The following SLC2A9 variants were observed in gnomAD, a reference collection of about 807,000 sequenced individuals.
SLC2A9 encodes the protein solute carrier family 2, facilitated glucose transporter member 9.
Under a neutral mutation model 50.6 loss-of-function variants are expected in SLC2A9, and 39 were observed. That is an observed-to-expected ratio of 0.77 (90% CI 0.60 to 1.01). The LOEUF is 1.01. Among genes scored for constraint, SLC2A9 ranks in the 50% least tolerant of loss-of-function variants. SLC2A9 has a pLI of 0.00. For missense variants in SLC2A9, 686 were observed against 677.6 expected (o/e 1.01, Z -0.14); for synonymous variants, 324 against 276.9 (o/e 1.17, Z -1.69).
At chr4:9,800,437 G>A (rs1027826883) in intron 3 of SLC2A9, among the ~76,000 whole-genome samples, 3 of 152,244 alleles carry the variant, frequency 2.0e-5, no homozygotes, top group Non-Finnish European at 2.9e-5. Context: ...ACACAGGCAT[G>A]TATAGAAGAT....
chr4:9,823,127 T>G (rs1387975354), downstream of SLC2A9, among the ~76,000 whole-genome samples: 2 of 152,288 alleles, frequency 1.3e-5, no homozygotes, highest in East Asian at 3.9e-4. Flanking sequence ...TAGCCAGAAC[T>G]AGCAGCTGGA....
At chr4:9,771,866 C>A (rs1437418692) in intron 1 of SLC2A9, among the ~76,000 whole-genome samples, 1 of 152,062 alleles carries the variant, frequency 6.6e-6, no homozygotes, top group Non-Finnish European at 1.5e-5. Context: ...CAGACAGGGG[C>A]AAGTGCAAAG....
chr4:9,914,750 C>T (rs890946544), intron 7 of SLC2A9, among the ~76,000 whole-genome samples: 4 of 152,076 alleles, frequency 2.6e-5, no homozygotes, highest in East Asian at 1.9e-4. Context: ...CCCGGCCTTG[C>T]TTTATATCCT....
intron 10 of SLC2A9, chr4:9,879,300 G>A: frequency 1.0e-6 from 1 of 985,412 alleles, no homozygotes; most frequent in Non-Finnish European, 1.2e-6. Context: ...GGATGAATAA[G>A]GGTGGTTGTT....
intron 2 of SLC2A9, among the ~76,000 whole-genome samples, chr4:10,001,377 G>A (rs1759774766): frequency 6.6e-6 from 1 of 152,198 alleles, no homozygotes; most frequent in South Asian, 2.1e-4. Flanking sequence ...ATGGGGAGAA[G>A]ATGGCCATCT....
At chr4:9,869,390 C>G (rs1733025915) in intron 10 of SLC2A9, among the ~76,000 whole-genome samples, 1 of 152,220 alleles carries the variant, frequency 6.6e-6, no homozygotes, top group South Asian at 2.1e-4. Context: ...TAATTTCTGT[C>G]TACCTTTGCA....
chr4:9,883,685 A>G (rs2109679178), intron 10 of SLC2A9, among the ~76,000 whole-genome samples: 1 of 152,316 alleles, frequency 6.6e-6, no homozygotes, highest in Admixed American at 6.5e-5. Context: ...TTCTGGGTTT[A>G]ACCAATCACT....
At chr4:9,903,965 C>T (rs1413119929) in intron 8 of SLC2A9, among the ~76,000 whole-genome samples, 6 of 146,798 alleles carry the variant, frequency 4.1e-5, no homozygotes, top group Non-Finnish European at 7.5e-5. Flanking sequence ...AATATATAAA[C>T]ATTATAATAT....
intron 5 of SLC2A9, among the ~76,000 whole-genome samples, chr4:9,973,039 A>T (rs1301412585): frequency 6.6e-6 from 1 of 152,208 alleles, no homozygotes; most frequent in African/African-American, 2.4e-5. Flanking sequence ...AAATGAGATT[A>T]ATAGACCACT....
At chr4:9,805,824 G>A (rs1174839713) in intron 3 of SLC2A9, among the ~76,000 whole-genome samples, 1 of 151,748 alleles carries the variant, frequency 6.6e-6, no homozygotes, top group Admixed American at 6.6e-5. Context: ...TGCTTATTAA[G>A]TGCTGGGCAC....
At chr4:9,823,782 G>C (rs556833424), downstream of SLC2A9, among the ~76,000 whole-genome samples, 37 of 152,308 alleles carry the variant, frequency 2.4e-4, no homozygotes, top group Middle Eastern at 3.4e-3. Context: ...TGATGCATTT[G>C]ATTTAATACA....
intron 10 of SLC2A9, among the ~76,000 whole-genome samples, chr4:9,884,288 A>G (rs569340277): frequency 2.6e-5 from 4 of 152,332 alleles, no homozygotes; most frequent in African/African-American, 7.2e-5. Context: ...TTTAGAAAAG[A>G]GATGGGCTTT....
At chr4:9,937,703 T>C (rs1275572060) in intron 6 of SLC2A9, among the ~76,000 whole-genome samples, 1 of 152,072 alleles carries the variant, frequency 6.6e-6, no homozygotes, top group African/African-American at 2.4e-5. Flanking sequence ...CATCTCCAGA[T>C]GGGTATAGGT....
At chr4:9,858,977 G>A (rs755472657) in intron 10 of SLC2A9, among the ~76,000 whole-genome samples, 7 of 152,166 alleles carry the variant, frequency 4.6e-5, no homozygotes, top group Admixed American at 2.0e-4. Flanking sequence ...TTGAACATCA[G>A]ACTCCGAGCT....
intron 5 of SLC2A9, among the ~76,000 whole-genome samples, chr4:9,958,903 G>A (rs1751765863): frequency 6.6e-6 from 1 of 151,960 alleles, no homozygotes; most frequent in Non-Finnish European, 1.5e-5. Context: ...ATTAATTGTA[G>A]GTAGTTAGAA....
In SLC2A9 at chr4:9,826,448, T is replaced by C; in HGVS notation, c.1572A>G (p.Glu524=). 12 of 1,614,088 alleles carry C rather than the reference T, an allele frequency of 7.4e-6. No homozygotes were observed. Among genetic ancestry groups the C allele is most frequent in the East Asian group, 2.2e-5 (1 of 44,868 alleles). ...CAGTGACAGCTGAGTCGATTTTCTCTTCTGGTGGGTATGCTTTGTTCCTTT... is the reference window on the plus strand; with the variant it reads ...CAGTGACAGCTGAGTCGATTTTCTCCTCTGGTGGGTATGCTTTGTTCCTTT... The part of the protein sequence containing the change: ...FSKRNKAYPP[E]EKIDSAVTDG... Residue 524 remains glutamate (E), a synonymous_variant, in exon 12 of 12, where the codon GAA becomes GAG. Transcript: ENST00000264784.
At chr4:9,799,311 T>C (rs1312406815) in intron 3 of SLC2A9, 3 of 151,894 alleles carry the variant, frequency 2.0e-5, no homozygotes, top group Non-Finnish European at 4.4e-5. Context: ...TATTTATTTA[T>C]TTTTGCAGTT....
chr4:9,776,001 A>G (rs1717511247), downstream of SLC2A9, among the ~76,000 whole-genome samples: 1 of 151,976 alleles, frequency 6.6e-6, no homozygotes, highest in South Asian at 2.1e-4. Context: ...TGTGGTTCAC[A>G]TCACTTCCGC....
chr4:9,882,384 G>C (rs1408008522), intron 10 of SLC2A9, among the ~76,000 whole-genome samples: 1 of 152,138 alleles, frequency 6.6e-6, no homozygotes, highest in Admixed American at 6.5e-5. Flanking sequence ...AGATGGTGAA[G>C]ATTTAAATCT....
Sources: allele counts gnomAD v4.1 joint callset (sites outside exome capture counted in the v4.1 genomes callset), GRCh38; gene constraint gnomAD v4.1.1; transcripts MANE v1.5; gene names NCBI Gene and HGNC (gene_info 2026-07-23, HGNC 2026-07-21).